The following ESR2 variants were observed in gnomAD, a reference collection of about 807,000 sequenced individuals.
The protein encoded by ESR2 is estrogen receptor beta.
A neutral mutation model predicts 49.6 loss-of-function variants in ESR2; 36 were observed. That is an observed-to-expected ratio of 0.73 (90% CI 0.56 to 0.96). ESR2 has a LOEUF of 0.96. Among genes scored for constraint, ESR2 ranks in the 40% least tolerant of loss-of-function variants. ESR2 has a pLI of 0.00. For synonymous variants in ESR2, 320 were observed against 266.1 expected, an observed-to-expected ratio of 1.20 and a Z score of -1.97; for missense variants, 714 against 693.0, an observed-to-expected ratio of 1.03 and a Z score of -0.34.
chr14:64,337,010 C>T (rs1567811045), intron 1 of ESR2, among the ~76,000 whole-genome samples: 1 of 152,120 alleles, frequency 6.6e-6, no homozygotes, highest in Non-Finnish European at 1.5e-5. Flanking sequence ...CATTGTCCTC[C>T]CCACCAGAAG....
chr14:64,233,171 C>G lies in ESR2; in HGVS notation c.1559G>C (p.Ser520Thr), dbSNP rs1160903611. 1.2e-6 allele frequency: 2 copies of G among 1,614,054 alleles called. No homozygotes were observed. Among genetic ancestry groups the G allele is most frequent in the Admixed American group, 1.7e-5 (1 of 60,012 alleles). Residue 520 changes from serine (S) to threonine (T), a missense_variant, in exon 9 of 9, where the codon AGC becomes ACC. Coordinates refer to ENST00000341099, the MANE Select transcript of ESR2 (RefSeq NM_001437.3). Reference sequence around the variant, plus strand: ...CTGTGGGTTCTGGGAGCCCTCTTTGCTTTTACTGTCCTCTGCCGGGCTGCA... The same window carrying G: ...CTGTGGGTTCTGGGAGCCCTCTTTGGTTTTACTGTCCTCTGCCGGGCTGCA... Reference protein sequence around the residue: ...SECSPAEDSKSKEGSQNPQSQ With the variant: ...SECSPAEDSKTKEGSQNPQSQ
intron 7 of ESR2, among the ~76,000 whole-genome samples, chr14:64,244,180 C>G (rs2075800575): frequency 6.6e-6 from 1 of 152,118 alleles, no homozygotes; most frequent in Non-Finnish European, 1.5e-5. Flanking sequence ...GGGTGGATCA[C>G]TTGAGGTCAG....
downstream of ESR2, chr14:64,227,966 T>G (rs2098723341): frequency 3.8e-6 from 6 of 1,583,572 alleles, no homozygotes; most frequent in Non-Finnish European, 5.1e-6. Context: ...CTCAGAATGA[T>G]TACAGAAAAT....
At chr14:64,320,094 GC>G (rs2077307746) in intron 1 of ESR2, among the ~76,000 whole-genome samples, 1 of 148,898 alleles carries the variant, frequency 6.7e-6, no homozygotes, top group African/African-American at 2.5e-5. Context: ...AATATTATTT[GC>G]AAAAAAAAAA....
intron 8 of ESR2, chr14:64,234,165 A>G (rs986103601): frequency 2.2e-4 from 34 of 152,252 alleles, no homozygotes; most frequent in African/African-American, 7.7e-4. Flanking sequence ...TGTTCTGCAA[A>G]TGGCTATGTG....
At chr14:64,331,135 A>T (rs1010503890) in intron 1 of ESR2, among the ~76,000 whole-genome samples, 77 of 152,322 alleles carry the variant, frequency 5.1e-4, no homozygotes, top group African/African-American at 1.8e-3. Flanking sequence ...TTTACAAAAG[A>T]CATACTTTAA....
intron 3 of ESR2, among the ~76,000 whole-genome samples, chr14:64,279,630 AAATTT>A (rs1326994344): frequency 1.3e-5 from 2 of 152,208 alleles, no homozygotes; most frequent in East Asian, 1.9e-4. Flanking sequence ...GCTATATATT[AAATTT>A]AAGTAAAAGA....
chr14:64,244,912 C>G (rs2075816294), intron 7 of ESR2, among the ~76,000 whole-genome samples: 1 of 152,226 alleles, frequency 6.6e-6, no homozygotes. Context: ...AGGCAGTAAA[C>G]TGGACAATCA....
intron 2 of ESR2, among the ~76,000 whole-genome samples, chr14:64,281,117 G>A (rs1343173531): frequency 6.6e-6 from 1 of 152,108 alleles, no homozygotes; most frequent in African/African-American, 2.4e-5. Flanking sequence ...AAGGGAGAGA[G>A]AAAAAAGAAG....
chr14:64,243,682 G>T lies in ESR2; in HGVS notation c.1225+5864C>A, dbSNP rs144496793. 4.2e-4 allele frequency among the ~76,000 whole-genome samples: 64 copies of T among 152,322 alleles called. 2 individuals are homozygous for T. In the East Asian group the frequency reaches 8.3e-3, roughly 20 times the overall value. ...ATACCCTTCTGAATACTATAGGAAG[G>T]CTGAGAAGTGCCCAATACCCAGTGA... On this transcript the variant is annotated intron_variant, in intron 7 of 8. Coordinates refer to ENST00000341099, the MANE Select transcript of ESR2 (RefSeq NM_001437.3).
intron 3 of ESR2, among the ~76,000 whole-genome samples, chr14:64,277,987 A>G (rs562659319): frequency 1.0e-4 from 15 of 149,008 alleles, no homozygotes; most frequent in Non-Finnish European, 2.1e-4. Context: ...AAAAAAAAAA[A>G]GAAGGATCTC....
intron 7 of ESR2, among the ~76,000 whole-genome samples, chr14:64,237,682 T>C (rs920987868): frequency 6.6e-6 from 1 of 152,350 alleles, no homozygotes; most frequent in Admixed American, 6.5e-5. Flanking sequence ...GGTCTATCCA[T>C]ACAGTGGAAT....
At chr14:64,251,093 C>T (rs928660490) in intron 6 of ESR2, among the ~76,000 whole-genome samples, 1 of 152,106 alleles carries the variant, frequency 6.6e-6, no homozygotes, top group Non-Finnish European at 1.5e-5. Flanking sequence ...GCCAAATCTA[C>T]AGGAAGCCTC....
chr14:64,232,062 TG>T lies in ESR2; in HGVS notation c.*1074del, dbSNP rs1041907525. The T allele has an allele frequency of 6.6e-6, 1 of 152,178 alleles. No homozygotes were observed. The highest frequency in any genetic ancestry group is 2.4e-5 in the African/African-American group (1 of 41,440). The allele number at this position is 152,178 out of a possible 1,614,324, so 9.4% of individuals were successfully genotyped here. ...TTCTCTTTAAGGAGAGTTCACAAAC[TG>T]GGTCTTGTTCAAGGGGCGTACTCAT... On this transcript the variant is annotated 3_prime_UTR_variant, in exon 9 of 9. Transcript: ENST00000341099.
At chr14:64,272,518 T>G (rs187800398) in intron 3 of ESR2, among the ~76,000 whole-genome samples, 6 of 152,346 alleles carry the variant, frequency 3.9e-5, no homozygotes, top group Admixed American at 3.9e-4. Flanking sequence ...TTTAGTAGTT[T>G]CATAGTTTGA....
At chr14:64,249,490 T>G in intron 7 of ESR2, 56 bp downstream of exon 7, 1 of 1,575,836 alleles carries the variant, frequency 6.3e-7, no homozygotes. Flanking sequence ...ATCACGCTAG[T>G]TGTAGAAACA....
chr14:64,304,051 G>A (rs2077060352), intron 1 of ESR2, among the ~76,000 whole-genome samples: 1 of 152,192 alleles, frequency 6.6e-6, no homozygotes, highest in Non-Finnish European at 1.5e-5. Flanking sequence ...GGTGGCTCAC[G>A]CCTGTAATCC....
intron 4 of ESR2, 54 bp downstream of exon 4, chr14:64,268,741 G>A (rs534381951): frequency 9.7e-7 from 1 of 1,035,562 alleles, no homozygotes; most frequent in East Asian, 2.4e-5. Flanking sequence ...GTTCCTCAGA[G>A]GACAGGGCTT....
chr14:64,246,289 TC>T (rs1231243816), intron 7 of ESR2, among the ~76,000 whole-genome samples: 1 of 152,062 alleles, frequency 6.6e-6, no homozygotes. Flanking sequence ...GGGGGCAGTT[TC>T]CCCCATGCTG....
Sources: allele counts gnomAD v4.1 joint callset (sites outside exome capture counted in the v4.1 genomes callset), GRCh38; gene constraint gnomAD v4.1.1; transcripts MANE v1.5; gene names NCBI Gene and HGNC (gene_info 2026-07-23, HGNC 2026-07-21).